NPFF: variants seen among roughly 807,000 people sequenced by gnomAD.
NPFF encodes the protein pro-FMRFamide-related neuropeptide FF.
Under a neutral mutation model 12.9 loss-of-function variants are expected in NPFF, and 14 were observed. The observed-to-expected ratio is 1.09, with a 90% CI of 0.72 to 1.70. The LOEUF is 1.70. Among genes scored for constraint, NPFF ranks in the 40% most tolerant of loss-of-function variants. NPFF has a pLI of 0.00. For missense variants in NPFF, 140 were observed against 135.7 expected (o/e 1.03, Z -0.16); for synonymous variants, 56 against 57.3 (o/e 0.98, Z 0.10).
chr12:53,507,424 G>A lies in NPFF; in HGVS notation c.51C>T (p.Asp17=), dbSNP rs369347574. The change falls in exon 1 of 3, where the codon GAC becomes GAT. Residue 17 remains aspartate, a synonymous_variant. Transcript: ENST00000267017. The stretch of plus-strand genomic sequence containing the variant: ...CTCCTGGCCCTTCAGCACAGCCCCC[G>A]TCTATTAACAGCAGCAGCACCAGCA... ...AALLVLLLLI[D]GGCAEGPGGQ... 49 of 1,613,950 alleles carry A rather than the reference G, an allele frequency of 3.0e-5. No individual in the cohort carries two copies. The highest frequency in any genetic ancestry group is 6.7e-5 in the African/African-American group (5 of 74,988).
chr12:53,507,376 G>A lies in NPFF; in HGVS notation c.99C>T (p.Ser33=), dbSNP rs759706637. 10 of 1,613,924 alleles carry A rather than the reference G, an allele frequency of 6.2e-6. No homozygotes were observed. The highest frequency in any genetic ancestry group is 2.2e-5 in the South Asian group (2 of 91,090). The change falls in exon 1 of 3, where the codon TCC becomes TCT. Residue 33 remains serine, a synonymous_variant. Transcript: ENST00000267017. ...GPGGQQEDQL[S]AEEDSEPLPP... is the part of the protein sequence containing the mutation. ...TGGGGATGGGACACACACTCACCGC[G>A]GAGAGCTGGTCTTCCTGCTGGCCTC...
chr12:53,507,062 C>T lies in NPFF; in HGVS notation c.183G>A (p.Glu61=). The T allele has an allele frequency of 6.2e-7, 1 of 1,614,118 alleles. No individual in the cohort carries two copies. Among genetic ancestry groups the T allele is most frequent in the Non-Finnish European group, 8.5e-7 (1 of 1,180,028 alleles). ...SLLHYLLQAM[E]RPGRSQAFLF... ...GGAAGGCTTGGCTCCGGCCAGGTCTCTCCATTGCCTGGAGCAGGTAGTGCA... is the reference window on the plus strand; with the variant it reads ...GGAAGGCTTGGCTCCGGCCAGGTCTTTCCATTGCCTGGAGCAGGTAGTGCA... Residue 61 remains glutamate (E), a synonymous_variant, in exon 2 of 3, where the codon GAG becomes GAA. Transcript: ENST00000267017.
chr12:53,506,934 C>G (rs753257226), intron 2 of NPFF, 41 bp from the exon 3 acceptor site: 1 of 1,581,930 alleles, frequency 6.3e-7, no homozygotes, highest in Non-Finnish European at 8.6e-7. Context: ...AGTCTCCCTT[C>G]TCTAGCCCCC....
At chr12:53,507,269 G>T in intron 1 of NPFF, 104 bp downstream of exon 1, 1 of 1,592,644 alleles carries the variant, frequency 6.3e-7, no homozygotes, top group African/African-American at 1.3e-5. Flanking sequence ...CAGATGTGAG[G>T]ACCTAATGAC....
chr12:53,506,787 C>T lies in NPFF; in HGVS notation c.331G>A (p.Gly111Arg). 1 of 1,558,980 alleles carries T rather than the reference C, an allele frequency of 6.4e-7. No homozygotes were observed. The highest frequency in any genetic ancestry group is 8.7e-7 in the Non-Finnish European group (1 of 1,153,784). ...CAAGGGATGACATGTCACTTCTTCC[C>T]AAAGCGTTGAGGGGCAGCCAGGCTC... is the stretch of plus-strand genomic sequence containing the variant. ...FWSLAAPQRF[G>R]KK The change falls in exon 3 of 3, where the codon GGG becomes AGG. Residue 111 changes from glycine (G) to arginine (R), a missense_variant. By Grantham distance (125) the Gly-to-Arg change is moderately radical. Transcript: ENST00000267017.
Position 53,506,840 on chromosome 12 carries a change from G to A in NPFF, c.278C>T (p.Ala93Val). 1.2e-6 allele frequency: 2 copies of A among 1,603,726 alleles called. No homozygotes were observed. The highest frequency in any genetic ancestry group is 1.7e-6 in the Non-Finnish European group (2 of 1,175,090). The change falls in exon 3 of 3, where the codon GCT (alanine) becomes GTT (valine). Residue 93 changes from alanine to valine, a missense_variant. Coordinates refer to ENST00000267017, the MANE Select transcript of NPFF (RefSeq NM_003717.4). ...GAACTGGGAATTCAGCCCCTCTCCAGCCCGGGGACTCAGCCATTCATTCCT... is the reference window on the plus strand; with the variant it reads ...GAACTGGGAATTCAGCCCCTCTCCAACCCGGGGACTCAGCCATTCATTCCT... ...SWRNEWLSPRAGEGLNSQFWS... is the reference protein window; with the variant it reads ...SWRNEWLSPRVGEGLNSQFWS...
In NPFF at chr12:53,507,044, T is replaced by C; in HGVS notation, c.201A>G (p.Gln67=). ...LQAMERPGRS[Q]AFLFQPQRFG... is the part of the protein sequence containing the mutation. ...ACCTCTGGGGCTGAAACAGGAAGGC[T>C]TGGCTCCGGCCAGGTCTCTCCATTG... Residue 67 remains glutamine (Q), a synonymous_variant, in exon 2 of 3, where the codon CAA becomes CAG. Coordinates refer to ENST00000267017, the MANE Select transcript of NPFF (RefSeq NM_003717.4). 4.3e-6 allele frequency: 7 copies of C among 1,614,010 alleles called. No homozygotes were observed. The highest frequency in any genetic ancestry group is 1.3e-5 in the African/African-American group (1 of 75,014).
chr12:53,507,090 A>G lies in NPFF; in HGVS notation c.155T>C (p.Leu52Pro). 1.2e-6 allele frequency: 2 copies of G among 1,614,084 alleles called. No homozygotes were observed. The highest frequency in any genetic ancestry group is 2.2e-5 in the East Asian group (1 of 44,872). Residue 52 changes from leucine to proline, a missense_variant, in exon 2 of 3, where the codon CTG (leucine) becomes CCG (proline). Transcript: ENST00000267017. ...CATTGCCTGGAGCAGGTAGTGCAAC[A>G]GTGACCCAGAGGTCTGGGCATCCTG... ...PPQDAQTSGSLLHYLLQAMER... is the reference protein window; with the variant it reads ...PPQDAQTSGSPLHYLLQAMER...
chr12:53,506,893 C>T lies in NPFF; in HGVS notation c.225G>A (p.Arg75=), dbSNP rs142373372. Residue 75 remains arginine (R), a splice_region_variant and synonymous_variant, in exon 3 of 3, where the codon AGG becomes AGA. Transcript: ENST00000267017. ...RSQAFLFQPQ[R]FGRNTQGSWR... ...AGGATCCCTGGGTATTTCTGCCAAA[C>T]CTTAGGAAAGATTTGTCCTCAGGTC... 1.3e-6 allele frequency: 2 copies of T among 1,588,264 alleles called. No individual in the cohort carries two copies. Among genetic ancestry groups the T allele is most frequent in the Middle Eastern group, 1.7e-4 (1 of 5,912 alleles).
rs115807705 is a variant in NPFF at position 53,507,310 on chromosome 12, C to A, written c.102+63G>T. On this transcript the variant is annotated intron_variant, in intron 1 of 2. Coordinates refer to ENST00000267017, the MANE Select transcript of NPFF (RefSeq NM_003717.4). ...TGGCAGCCAGAGAAAGTATCAGAAC[C>A]TAGAGCACAAGTCTCAACCGAAGTA... 1,115 of 1,608,054 alleles carry A rather than the reference C, an allele frequency of 6.9e-4. 11 individuals carry two copies. In the African/African-American group the frequency reaches 0.013, roughly 19 times the overall value.
chr12:53,507,424 G>C lies in NPFF; in HGVS notation c.51C>G (p.Asp17Glu). Residue 17 changes from aspartate to glutamate, a missense_variant, in exon 1 of 3, where the codon GAC becomes GAG. Transcript: ENST00000267017. Reference protein sequence around the residue: ...AALLVLLLLIDGGCAEGPGGQ... With the variant: ...AALLVLLLLIEGGCAEGPGGQ... Reference sequence around the variant, plus strand: ...CTCCTGGCCCTTCAGCACAGCCCCCGTCTATTAACAGCAGCAGCACCAGCA... The same window carrying C: ...CTCCTGGCCCTTCAGCACAGCCCCCCTCTATTAACAGCAGCAGCACCAGCA... 1.2e-6 allele frequency: 2 copies of C among 1,613,950 alleles called. No individual in the cohort carries two copies. The highest frequency in any genetic ancestry group is 2.2e-5 in the South Asian group (2 of 91,084).
chr12:53,506,931 C>T (rs2137277698), intron 2 of NPFF, 38 bp from the exon 3 acceptor site: 1 of 1,579,048 alleles, frequency 6.3e-7, no homozygotes, highest in African/African-American at 1.3e-5. Flanking sequence ...CGCAGTCTCC[C>T]TTCTCTAGCC....
Position 53,507,283 on chromosome 12 carries a change from C to CT in NPFF, c.102+89dup, listed in dbSNP as rs1944031583. On this transcript the variant is annotated intron_variant, in intron 1 of 2. Transcript: ENST00000267017. ...TCAGATGTGAGGACCTAATGACAACCTTGGCAGCCAGAGAAAGTATCAGAA... is the reference window on the plus strand; with the variant it reads ...TCAGATGTGAGGACCTAATGACAACCTTTGGCAGCCAGAGAAAGTATCAGAA... The CT allele has an allele frequency of 3.8e-6, 6 of 1,597,110 alleles. No individual in the cohort carries two copies. The Admixed American group carries it at 1.0e-4, about 27-fold the overall frequency.
rs750139224 is a variant in NPFF at position 53,506,996 on chromosome 12, A to T, written c.224+25T>A. On this transcript the variant is annotated intron_variant, in intron 2 of 2. Coordinates refer to ENST00000267017, the MANE Select transcript of NPFF (RefSeq NM_003717.4). ...GCCCTTTCCACCCCCAGCCCCTGCC[A>T]TGCTTGTGTCCCTTTCAGACTCACC... The T allele has an allele frequency of 5.6e-6, 9 of 1,607,036 alleles. No individual in the cohort carries two copies. The South Asian group carries it at 8.8e-5, about 16-fold the overall frequency.
At position 53,506,723 on chromosome 12, in the gene NPFF, A is replaced by AT. The variant is rs1407563612; in HGVS notation, c.*52dup. ...AGACAATTTTATTTGGGGGGCAAAC[A>AT]TTGACACTTTTGGGTGTGGACCTTG... On this transcript the variant is annotated 3_prime_UTR_variant, in exon 3 of 3. Transcript: ENST00000267017. 7.5e-7 allele frequency: 1 copy of AT among 1,342,030 alleles called. No individual in the cohort carries two copies. Among genetic ancestry groups the AT allele is most frequent in the African/African-American group, 1.5e-5 (1 of 68,172 alleles). The allele number at this position is 1,342,030 out of a possible 1,614,324, so 83.1% of individuals were successfully genotyped here.
chr12:53,507,476 C>T lies in NPFF; in HGVS notation c.-2G>A. The T allele has an allele frequency of 6.2e-7, 1 of 1,612,446 alleles. No homozygotes were observed. The highest frequency in any genetic ancestry group is 8.5e-7 in the Non-Finnish European group (1 of 1,179,928). ...TGCAGCAGCCTGCCTAGAATCCATG[C>T]TGCCACCTACCCTCCTACAGCCACC... On this transcript the variant is annotated 5_prime_UTR_variant, in exon 1 of 3. Transcript: ENST00000267017.
At chr12:53,507,197 G>A (rs780471411) in intron 1 of NPFF, 55 bp from the exon 2 acceptor site, 5 of 1,598,500 alleles carry the variant, frequency 3.1e-6, no homozygotes, top group Admixed American at 3.4e-5. Context: ...GGACACGTAA[G>A]TCACAAGGGG....
At chr12:53,506,997 T>G in intron 2 of NPFF, 24 bp downstream of exon 2, 3 of 1,607,630 alleles carry the variant, frequency 1.9e-6, no homozygotes, top group Non-Finnish European at 2.6e-6. Context: ...GCCCCTGCCA[T>G]GCTTGTGTCC....
At chr12:53,507,294 G>A in intron 1 of NPFF, 79 bp downstream of exon 1, 3 of 1,601,030 alleles carry the variant, frequency 1.9e-6, no homozygotes, top group Non-Finnish European at 2.6e-6. Flanking sequence ...TTGGCAGCCA[G>A]AGAAAGTATC....
Sources: gnomAD v4.1 joint callset for allele counts on GRCh38, gnomAD v4.1.1 for gene constraint, MANE v1.5 for transcripts, NCBI Gene and HGNC (gene_info 2026-07-23, HGNC 2026-07-21) for gene names.